The following FSD1 variants were observed in gnomAD, a reference collection of about 807,000 sequenced individuals.
FSD1 encodes fibronectin type III and SPRY domain containing 1, also known as fibronectin type III and SPRY domain-containing protein 1.
FSD1 carries 23 observed loss-of-function variants against 58.2 expected under a neutral mutation model. That is an observed-to-expected ratio of 0.40 (90% CI 0.28 to 0.56). FSD1 has a LOEUF of 0.56. Ranked by LOEUF, FSD1 falls within the 20% of genes least tolerant of loss-of-function variation. The pLI is 0.54. For synonymous variants in FSD1, 265 were observed against 263.4 expected (o/e 1.01, Z -0.06); for missense variants, 563 against 670.8 (o/e 0.84, Z 1.78).
chr19:4,307,270 A>G (rs1599532992), intron 3 of FSD1, among the ~76,000 whole-genome samples: 1 of 151,802 alleles, frequency 6.6e-6, no homozygotes, highest in Non-Finnish European at 1.5e-5. Flanking sequence ...TGCCTAGACT[A>G]GTCTTGAACT....
At chr19:4,306,404 T>G (rs1971622951) in intron 3 of FSD1, 75 bp downstream of exon 3, 1 of 1,509,940 alleles carries the variant, frequency 6.6e-7, no homozygotes. Flanking sequence ...GGCACCTTCC[T>G]CCAAAAACTG....
chr19:4,323,559 G>T lies in FSD1; in HGVS notation c.1407G>T (p.Thr469=). Residue 469 remains threonine (T), a synonymous_variant, in exon 13 of 13, where the codon ACG becomes ACT. Coordinates refer to ENST00000221856, the MANE Select transcript of FSD1 (RefSeq NM_024333.3). The surrounding 1 kb of genome is among the most constrained non-coding windows in gnomAD (Gnocchi z 7.7). Reference sequence around the variant, plus strand: ...TATGGTGTGGCAGCTTCCAGGTGACGACAGGCCTGCAGGTCCCCAGTGCTG... The same window carrying T: ...TATGGTGTGGCAGCTTCCAGGTGACTACAGGCCTGCAGGTCCCCAGTGCTG... ...FTVWCGSFQV[T]TGLQVPSAVR... is the part of the protein sequence containing the mutation. 1 of 1,612,092 alleles carries T rather than the reference G, an allele frequency of 6.2e-7. No homozygotes were observed. Among genetic ancestry groups the T allele is most frequent in the African/African-American group, 1.3e-5 (1 of 74,606 alleles).
intron 2 of FSD1, 35 bp from the exon 3 acceptor site, chr19:4,306,163 A>G (rs912401368): frequency 6.2e-7 from 1 of 1,613,614 alleles, no homozygotes; most frequent in African/African-American, 1.3e-5. Context: ...CTCTCTGAAC[A>G]CGGGCTTTGG....
In FSD1 at chr19:4,304,698, A is replaced by G; in HGVS notation, c.-49A>G. On this transcript the variant is annotated 5_prime_UTR_variant, in exon 1 of 13. Transcript: ENST00000221856. Reference sequence around the variant, plus strand: ...CGCGGCAAAGGCAGCTTGGGGACCCAGCGTGCGCGGGGCCCGCGGGCCGGG... The same window carrying G: ...CGCGGCAAAGGCAGCTTGGGGACCCGGCGTGCGCGGGGCCCGCGGGCCGGG... The G allele has an allele frequency of 9.3e-7, 1 of 1,080,980 alleles. No homozygotes were observed. Among genetic ancestry groups the G allele is most frequent in the South Asian group, 4.4e-5 (1 of 22,622 alleles). The allele number at this position is 1,080,980 out of a possible 1,614,324, so 67.0% of individuals were successfully genotyped here.
At chr19:4,309,137 A>G (rs1342991388) in intron 4 of FSD1, among the ~76,000 whole-genome samples, 1 of 152,044 alleles carries the variant, frequency 6.6e-6, no homozygotes, top group East Asian at 1.9e-4. Flanking sequence ...GGTCCCAGCT[A>G]CTCAAGAGGC....
Position 4,311,898 on chromosome 19 carries a change from A to G in FSD1, c.547A>G (p.Thr183Ala). 1.2e-6 allele frequency: 2 copies of G among 1,614,058 alleles called. No individual in the cohort carries two copies. The highest frequency in any genetic ancestry group is 1.7e-6 in the Non-Finnish European group (2 of 1,180,008). The change falls in exon 7 of 13, where the codon ACC becomes GCC. Residue 183 changes from threonine to alanine, a missense_variant. Thr to Ala is a moderately conservative substitution (Grantham distance 58, BLOSUM62 0). Coordinates refer to ENST00000221856, the MANE Select transcript of FSD1 (RefSeq NM_024333.3). ...GTCCCTGGTGGCAGATAACTGTGTGACCCTGGTGTGGCGCATGCCGGATGA... is the reference window on the plus strand; with the variant it reads ...GTCCCTGGTGGCAGATAACTGTGTGGCCCTGGTGTGGCGCATGCCGGATGA... Reference protein sequence around the residue: ...AESLVADNCVTLVWRMPDEDS... With the variant: ...AESLVADNCVALVWRMPDEDS...
chr19:4,309,072 T>C (rs554054293), intron 4 of FSD1, among the ~76,000 whole-genome samples: 158 of 151,806 alleles, frequency 1.0e-3, no homozygotes, highest in Middle Eastern at 0.01. Flanking sequence ...AAGACTCTGT[T>C]TCAAAAAATA....
chr19:4,323,405 G>C lies in FSD1; in HGVS notation c.1349G>C (p.Arg450Thr). The C allele has an allele frequency of 6.2e-7, 1 of 1,613,876 alleles. No individual in the cohort carries two copies. Reference sequence around the variant, plus strand: ...CAAGTGCTGCACACTTTCAAGACCAGGTTCACACAGCCGCTGCTGCCTGCT... The same window carrying C: ...CAAGTGCTGCACACTTTCAAGACCACGTTCACACAGCCGCTGCTGCCTGCT... ...TKQVLHTFKT[R>T]FTQPLLPAFT... The change falls in exon 12 of 13, where the codon AGG (arginine) becomes ACG (threonine). Residue 450 changes from arginine (R) to threonine (T), a missense_variant. Arg to Thr is a moderately conservative substitution (Grantham distance 71). Transcript: ENST00000221856. This position sits in a 1 kb window ranked among gnomAD's most constrained non-coding sequence, Gnocchi z 7.7.
chr19:4,308,581 G>C (rs1239712338), intron 4 of FSD1, among the ~76,000 whole-genome samples: 3 of 152,138 alleles, frequency 2.0e-5, no homozygotes, highest in African/African-American at 7.2e-5. Context: ...TAATTGGCCA[G>C]GCACAGGGGC....
In FSD1 at chr19:4,323,443, T is replaced by G; in HGVS notation, c.1380+7T>G. ...GCTGCTGCCTGCTTTCACGGTGAGC[T>G]GCCCTCCGCGGCCCAGGGGGAGGAG... On this transcript the variant is annotated splice_region_variant and intron_variant, in intron 12 of 12. Transcript: ENST00000221856. This position sits in a 1 kb window ranked among gnomAD's most constrained non-coding sequence, Gnocchi z 7.7. The G allele has an allele frequency of 6.2e-7, 1 of 1,612,276 alleles. No homozygotes were observed. Among genetic ancestry groups the G allele is most frequent in the Non-Finnish European group, 8.5e-7 (1 of 1,178,600 alleles).
rs748601764 is a variant in FSD1, at chr19:4,318,466, G to T, written c.920G>T (p.Gly307Val). Reference sequence around the variant, plus strand: ...GATATCAAGGCTCGCGAGAAAGATGGCAAGGGGCGGACGGCGTCTCCCATC... The same window carrying T: ...GATATCAAGGCTCGCGAGAAAGATGTCAAGGGGCGGACGGCGTCTCCCATC... The part of the protein sequence containing the change: ...VQDIKAREKD[G>V]KGRTASPINS... The change falls in exon 9 of 13, where the codon GGC (glycine) becomes GTC (valine). Residue 307 changes from glycine to valine, a missense_variant. Gly to Val is a moderately radical substitution (Grantham distance 109, BLOSUM62 -3). Coordinates refer to ENST00000221856, the MANE Select transcript of FSD1 (RefSeq NM_024333.3). The T allele has an allele frequency of 1.3e-5, 21 of 1,613,342 alleles. No individual in the cohort carries two copies. The highest frequency in any genetic ancestry group is 1.6e-4 in the Middle Eastern group (1 of 6,080).
rs1319102204 is a variant in FSD1, at chr19:4,304,771, G to T, written c.15+10G>T. On this transcript the variant is annotated intron_variant, in intron 1 of 12. Coordinates refer to ENST00000221856, the MANE Select transcript of FSD1 (RefSeq NM_024333.3). ...CATGGAAGAACAGAGGGTAGGACGG[G>T]GTGGGGCAGGGCGGGCCCGCAGGGG... The T allele has an allele frequency of 1.9e-6, 2 of 1,044,888 alleles. No individual in the cohort carries two copies. Among genetic ancestry groups the T allele is most frequent in the South Asian group, 4.9e-5 (1 of 20,608 alleles). The allele number at this position is 1,044,888 out of a possible 1,614,324, so 64.7% of individuals were successfully genotyped here.
intron 4 of FSD1, 32 bp from the exon 5 acceptor site, chr19:4,310,241 A>G (rs1971673258): frequency 1.2e-6 from 2 of 1,613,834 alleles, no homozygotes; most frequent in Non-Finnish European, 1.7e-6. Context: ...AAAAAAAGAA[A>G]TCTTTGAATG....
chr19:4,310,847 G>A, intron 6 of FSD1: 1 of 438,826 alleles, frequency 2.3e-6, no homozygotes, highest in South Asian at 2.5e-5. Flanking sequence ...CCCAGGGGTG[G>A]AACTGTGAGA....
chr19:4,310,186 C>G, intron 4 of FSD1, 87 bp from the exon 5 acceptor site: 1 of 1,484,846 alleles, frequency 6.7e-7, no homozygotes, highest in Non-Finnish European at 9.4e-7. Flanking sequence ...GATCTCTCCA[C>G]TGCAATCCAG....
intron 10 of FSD1, among the ~76,000 whole-genome samples, chr19:4,320,420 A>G (rs921868103): frequency 1.3e-5 from 2 of 152,102 alleles, no homozygotes; most frequent in African/African-American, 2.4e-5. Context: ...TGGGAACACT[A>G]TGAGTCTTCC....
intron 4 of FSD1, among the ~76,000 whole-genome samples, chr19:4,308,295 C>G (rs1029884685): frequency 1.3e-5 from 2 of 152,128 alleles, no homozygotes; most frequent in African/African-American, 4.8e-5. Flanking sequence ...GTAATCCCAG[C>G]TACTTGGGAG....
At chr19:4,313,283 G>T (rs1321004342) in intron 7 of FSD1, among the ~76,000 whole-genome samples, 2 of 151,822 alleles carry the variant, frequency 1.3e-5, no homozygotes, top group Non-Finnish European at 2.9e-5. Flanking sequence ...GGAGGCTGCA[G>T]TGAGCCATGA....
At chr19:4,317,978 C>T (rs1971772901) in intron 8 of FSD1, among the ~76,000 whole-genome samples, 1 of 152,146 alleles carries the variant, frequency 6.6e-6, no homozygotes, top group Non-Finnish European at 1.5e-5. Context: ...GATTGTGCCA[C>T]AGCACTCCAG....
Sources: gnomAD v4.1 joint callset for allele counts (sites outside exome capture counted in the v4.1 genomes callset) on GRCh38, gnomAD v4.1.1 for gene constraint, Gnocchi (gnomAD v3.1) non-coding constraint, MANE v1.5 for transcripts, NCBI Gene and HGNC (gene_info 2026-07-23, HGNC 2026-07-21) for gene names.